Variants in SMOC1 observed in about 807,000 individuals in gnomAD.
SMOC1 encodes the protein SPARC-related modular calcium-binding protein 1.
SMOC1 carries 22 observed loss-of-function variants against 56.3 expected under a neutral mutation model. The observed-to-expected ratio is 0.39, with a 90% confidence interval of 0.28 to 0.56. SMOC1 has a LOEUF of 0.56. SMOC1 is among the 20% of genes least tolerant of loss of function. The probability of loss-of-function intolerance (pLI) is 0.61; values close to 1 mark genes in which losing one functional copy is unlikely to be tolerated. For synonymous variants in SMOC1, 193 were observed against 215.0 expected (o/e 0.90, Z 0.89); for missense variants, 509 against 565.4 (o/e 0.90, Z 1.01).
At chr14:70,008,080 C>T (rs965503865) in intron 7 of SMOC1, among the ~76,000 whole-genome samples, 2 of 151,800 alleles carry the variant, frequency 1.3e-5, no homozygotes, top group Admixed American at 1.3e-4. Context: ...CTTTTGCTAT[C>T]CCCCATTTTT....
At chr14:70,018,397 A>G (rs978153570) in intron 10 of SMOC1, among the ~76,000 whole-genome samples, 5 of 152,222 alleles carry the variant, frequency 3.3e-5, no homozygotes, top group Non-Finnish European at 5.9e-5. Flanking sequence ...AGCAAAAAAC[A>G]GTGCTACAAA....
At chr14:70,021,390 A>T (rs1322393187) in intron 10 of SMOC1, among the ~76,000 whole-genome samples, 3 of 152,244 alleles carry the variant, frequency 2.0e-5, no homozygotes, top group Non-Finnish European at 4.4e-5. Context: ...GGAAAACACC[A>T]GAATACTGTG....
At chr14:69,967,549 G>A (rs1566692134) in intron 3 of SMOC1, among the ~76,000 whole-genome samples, 1 of 151,920 alleles carries the variant, frequency 6.6e-6, no homozygotes. Context: ...TGTGGCCCAG[G>A]GAAGCCAAAA....
At chr14:69,932,501 G>A (rs766992570) in intron 1 of SMOC1, among the ~76,000 whole-genome samples, 11 of 152,216 alleles carry the variant, frequency 7.2e-5, no homozygotes, top group Non-Finnish European at 1.3e-4. Context: ...GGAGGAATGG[G>A]GGCAGTGGGA....
At chr14:69,965,699 G>A (rs1027721040) in intron 3 of SMOC1, among the ~76,000 whole-genome samples, 5 of 152,164 alleles carry the variant, frequency 3.3e-5, no homozygotes, top group Admixed American at 2.0e-4. Flanking sequence ...CCTACATTGG[G>A]AAGGGGGTTC....
intron 1 of SMOC1, among the ~76,000 whole-genome samples, chr14:69,936,830 C>T (rs10139476): frequency 0.098 from 14,861 of 152,272 alleles, 850 homozygotes; most frequent in Middle Eastern, 0.17. Context: ...CATTCAGAGA[C>T]AGTCACTATT....
chr14:69,965,404 T>TAATAATAATAATAATA (rs761154559), intron 3 of SMOC1, among the ~76,000 whole-genome samples: 2 of 149,478 alleles, frequency 1.3e-5, no homozygotes, highest in South Asian at 2.1e-4. Flanking sequence ...ATAATAATAA[T>TAATAATAATAATAATA]AAAAAGATGA....
At chr14:69,997,961 CT>C (rs1884828239) in intron 7 of SMOC1, among the ~76,000 whole-genome samples, 1 of 152,144 alleles carries the variant, frequency 6.6e-6, no homozygotes, top group Admixed American at 6.5e-5. Context: ...ATCCCAGTTT[CT>C]TTTACACCCC....
At chr14:69,889,801 T>C (rs1364437805) in intron 1 of SMOC1, among the ~76,000 whole-genome samples, 2 of 152,222 alleles carry the variant, frequency 1.3e-5, no homozygotes, top group Non-Finnish European at 2.9e-5. Flanking sequence ...GCCTCTAGAA[T>C]CTGCCTGCAT....
chr14:70,014,784 A>G (rs1336464975), intron 10 of SMOC1, among the ~76,000 whole-genome samples: 1 of 152,198 alleles, frequency 6.6e-6, no homozygotes, highest in African/African-American at 2.4e-5. Flanking sequence ...AGGGAGCGTT[A>G]GTCCCCCGGC....
chr14:69,988,860 A>AG (rs1884462611), intron 5 of SMOC1, among the ~76,000 whole-genome samples: 1 of 152,238 alleles, frequency 6.6e-6, no homozygotes, highest in East Asian at 1.9e-4. Context: ...TTCTTCATCT[A>AG]CATTGTCACA....
Position 70,021,097 on chromosome 14 carries a change from C to T in SMOC1, c.1047-2106C>T, listed in dbSNP as rs564043346. Among the ~76,000 whole-genome samples, 4 of 152,272 alleles carry T rather than the reference C, an allele frequency of 2.6e-5. No individual in the cohort carries two copies. In the South Asian group the frequency reaches 8.3e-4, roughly 32 times the overall value. ...AGCCTAAAGGTTAAAGGAAGAGCTG[C>T]CTTTGCCTTGGAACTCTCATGGCTC... On this transcript the variant is annotated intron_variant, in intron 10 of 11. Transcript: ENST00000361956.
chr14:69,918,144 T>C (rs1445179763), intron 1 of SMOC1, among the ~76,000 whole-genome samples: 1 of 152,164 alleles, frequency 6.6e-6, no homozygotes, highest in East Asian at 1.9e-4. Flanking sequence ...TCTACTCTCT[T>C]AGTAACTTTC....
At chr14:69,910,936 G>A (rs370314520) in intron 1 of SMOC1, among the ~76,000 whole-genome samples, 41 of 152,268 alleles carry the variant, frequency 2.7e-4, no homozygotes, top group African/African-American at 9.4e-4. Flanking sequence ...TTCCAAGGAC[G>A]GAGACTGTTA....
At chr14:70,028,012 G>A (rs905182114) in intron 11 of SMOC1, among the ~76,000 whole-genome samples, 4 of 152,126 alleles carry the variant, frequency 2.6e-5, no homozygotes, top group African/African-American at 9.7e-5. Context: ...TGGGCTGCGA[G>A]GGGCTTGCAT....
At chr14:69,911,642 A>G (rs1884558534) in intron 1 of SMOC1, among the ~76,000 whole-genome samples, 1 of 152,192 alleles carries the variant, frequency 6.6e-6, no homozygotes, top group South Asian at 2.1e-4. Context: ...TTCATGTACT[A>G]TAATGCATTT....
At chr14:69,891,849 A>G (rs774555434) in intron 1 of SMOC1, among the ~76,000 whole-genome samples, 1 of 152,254 alleles carries the variant, frequency 6.6e-6, no homozygotes, top group African/African-American at 2.4e-5. Flanking sequence ...ATGTTTTAGC[A>G]TAAGTATGAC....
chr14:69,936,740 G>A (rs1041080409), intron 1 of SMOC1, among the ~76,000 whole-genome samples: 1 of 152,170 alleles, frequency 6.6e-6, no homozygotes, highest in African/African-American at 2.4e-5. Flanking sequence ...TTTAAAACAG[G>A]TGTTTTTTAG....
intron 3 of SMOC1, among the ~76,000 whole-genome samples, chr14:69,961,778 T>G (rs1026661801): frequency 6.6e-6 from 1 of 152,150 alleles, no homozygotes; most frequent in Non-Finnish European, 1.5e-5. Flanking sequence ...TACCTAGGAG[T>G]AGAATTGCTA....
Sources: gnomAD v4.1 joint callset for allele counts (sites outside exome capture counted in the v4.1 genomes callset) on GRCh38, gnomAD v4.1.1 for gene constraint, MANE v1.5 for transcripts, NCBI Gene and HGNC (gene_info 2026-07-23, HGNC 2026-07-21) for gene names.